MMP16: variants seen among roughly 807,000 people sequenced by gnomAD.
The protein encoded by MMP16 is matrix metalloproteinase-16.
A neutral mutation model predicts 67.8 loss-of-function variants in MMP16; 12 were observed. That is an observed-to-expected ratio of 0.18 (90% CI 0.11 to 0.29). MMP16 has a LOEUF of 0.29. Ranked by LOEUF, MMP16 falls within the 10% of genes least tolerant of loss-of-function variation. The pLI is 1.00. For synonymous variants in MMP16, 249 were observed against 255.9 expected (o/e 0.97, Z 0.26); for missense variants, 475 against 765.7 (o/e 0.62, Z 4.48).
intron 9 of MMP16, among the ~76,000 whole-genome samples, chr8:88,044,706 G>A (rs1808176774): frequency 1.3e-5 from 2 of 152,128 alleles, no homozygotes; most frequent in Admixed American, 1.3e-4. Flanking sequence ...AAAGTGTAAT[G>A]AGACATAATT....
In MMP16 at chr8:88,226,854, T is replaced by G. The variant is rs191447222; in HGVS notation, c.133-29548A>C. Among the ~76,000 whole-genome samples, 537 of 144,656 alleles carry G rather than the reference T, an allele frequency of 3.7e-3. 4 individuals carry two copies. Among genetic ancestry groups the G allele is most frequent in the African/African-American group, 0.014 (513 of 36,490 alleles). The allele number at this position is 144,656 out of a possible 152,430, so 94.9% of individuals were successfully genotyped here. On this transcript the variant is annotated intron_variant, in intron 1 of 9. Coordinates refer to ENST00000286614, the MANE Select transcript of MMP16 (RefSeq NM_005941.5). ...GACTTTGTTTCCTATTAAATGTTAA[T>G]GAAAGAGTACTCAGCCTACACGTAT...
chr8:88,044,845 G>A (rs1808178433), intron 9 of MMP16, among the ~76,000 whole-genome samples: 1 of 152,166 alleles, frequency 6.6e-6, no homozygotes. Context: ...TAAATAAACT[G>A]ATGTGATCAT....
intron 9 of MMP16, 41 bp downstream of exon 9, chr8:88,046,628 G>T: frequency 7.5e-7 from 1 of 1,325,688 alleles, no homozygotes; most frequent in Non-Finnish European, 1.1e-6. Flanking sequence ...GTGTTACTAA[G>T]ATAGCAAACT....
chr8:88,142,180 G>A (rs909147905), intron 4 of MMP16, among the ~76,000 whole-genome samples: 5 of 151,918 alleles, frequency 3.3e-5, no homozygotes, highest in Admixed American at 1.3e-4. Context: ...AAAGTGCTAG[G>A]ATTACAGGCG....
At chr8:88,322,563 T>A (rs1460029209) in intron 1 of MMP16, among the ~76,000 whole-genome samples, 1 of 151,974 alleles carries the variant, frequency 6.6e-6, no homozygotes, top group Non-Finnish European at 1.5e-5. Context: ...ATGTGGTGGC[T>A]CATGTCTGTA....
At chr8:88,126,257 G>A (rs180735564) in intron 4 of MMP16, among the ~76,000 whole-genome samples, 1 of 151,826 alleles carries the variant, frequency 6.6e-6, no homozygotes, top group African/African-American at 2.4e-5. Context: ...AATCACCCAA[G>A]CCTTTGTTCT....
chr8:88,287,978 C>T (rs1183819114), intron 1 of MMP16, among the ~76,000 whole-genome samples: 2 of 152,182 alleles, frequency 1.3e-5, no homozygotes, highest in African/African-American at 4.8e-5. Flanking sequence ...GATTAAGCCC[C>T]TTGAGTGAAT....
chr8:88,118,504 T>C (rs189825849), intron 5 of MMP16, among the ~76,000 whole-genome samples, 196 bp downstream of exon 5: 1 of 152,198 alleles, frequency 6.6e-6, no homozygotes, highest in East Asian at 1.9e-4. Flanking sequence ...CATGTTCCCA[T>C]AATCTATACA....
rs1425129086 is a variant in MMP16 at position 88,034,364 on chromosome 8, CA to C, written c.*7096del. The C allele has an allele frequency of 6.6e-6, 1 of 152,122 alleles. No individual in the cohort carries two copies. Among genetic ancestry groups the C allele is most frequent in the East Asian group, 1.9e-4 (1 of 5,166 alleles). The allele number at this position is 152,122 out of a possible 1,614,324, so 9.4% of individuals were successfully genotyped here. On this transcript the variant is annotated 3_prime_UTR_variant, in exon 10 of 10. Coordinates refer to ENST00000286614, the MANE Select transcript of MMP16 (RefSeq NM_005941.5). ...GTATTTTTGGGTGAGAAACAGAAGGCAAACAAATAACGATCTTAGAATTGGA... is the reference window on the plus strand; with the variant it reads ...GTATTTTTGGGTGAGAAACAGAAGGCAACAAATAACGATCTTAGAATTGGA...
intron 1 of MMP16, among the ~76,000 whole-genome samples, chr8:88,201,864 A>C (rs76583619): frequency 0.015 from 2,306 of 152,214 alleles, 62 homozygotes; most frequent in African/African-American, 0.052. Flanking sequence ...TTTTCCAGAA[A>C]TACCATATAC....
intron 3 of MMP16, among the ~76,000 whole-genome samples, chr8:88,175,678 TC>T (rs1445043708): frequency 6.6e-6 from 1 of 152,190 alleles, no homozygotes; most frequent in Non-Finnish European, 1.5e-5. Context: ...TACTTAATTT[TC>T]CCTAAGCTTT....
At chr8:88,300,633 T>G (rs1279299988) in intron 1 of MMP16, among the ~76,000 whole-genome samples, 1 of 152,172 alleles carries the variant, frequency 6.6e-6, no homozygotes, top group African/African-American at 2.4e-5. Flanking sequence ...TAAGTTAAAC[T>G]TTACCACAGG....
chr8:88,130,180 A>G (rs193230277), intron 4 of MMP16, among the ~76,000 whole-genome samples: 1 of 151,896 alleles, frequency 6.6e-6, no homozygotes, highest in East Asian at 1.9e-4. Context: ...GCAAAATCAC[A>G]AATTCAGTAA....
At chr8:88,194,126 T>C (rs913668080) in intron 2 of MMP16, among the ~76,000 whole-genome samples, 2 of 152,020 alleles carry the variant, frequency 1.3e-5, no homozygotes, top group African/African-American at 2.4e-5. Context: ...TTGAAAATGG[T>C]TAATTTATTC....
At chr8:88,045,341 T>A (rs760906842) in intron 9 of MMP16, among the ~76,000 whole-genome samples, 3 of 152,008 alleles carry the variant, frequency 2.0e-5, no homozygotes, top group African/African-American at 7.2e-5. Context: ...GTTTTCTTTT[T>A]CTTTCTTTCT....
At chr8:88,216,134 A>G (rs1586209329) in intron 1 of MMP16, among the ~76,000 whole-genome samples, 1 of 152,190 alleles carries the variant, frequency 6.6e-6, no homozygotes, top group East Asian at 1.9e-4. Context: ...GTCTGAGATA[A>G]ACAAAAAATA....
chr8:88,146,661 C>A (rs2118514857), intron 4 of MMP16, among the ~76,000 whole-genome samples: 1 of 151,844 alleles, frequency 6.6e-6, no homozygotes, highest in East Asian at 1.9e-4. Context: ...TTTATATATT[C>A]ATTCTAGGAA....
At chr8:88,105,118 C>T (rs1809214972) in intron 6 of MMP16, among the ~76,000 whole-genome samples, 1 of 148,760 alleles carries the variant, frequency 6.7e-6, no homozygotes, top group Non-Finnish European at 1.5e-5. Flanking sequence ...AAGTGCACTA[C>T]ATAGGTGTAC....
chr8:88,263,023 C>G (rs999950401), intron 1 of MMP16, among the ~76,000 whole-genome samples: 47 of 146,580 alleles, frequency 3.2e-4, no homozygotes, highest in Admixed American at 4.1e-4. Context: ...GACTCCGTCT[C>G]AAATAAATAA....
Sources: gnomAD v4.1 joint callset for allele counts (sites outside exome capture counted in the v4.1 genomes callset) on GRCh38, gnomAD v4.1.1 for gene constraint, MANE v1.5 for transcripts, NCBI Gene and HGNC (gene_info 2026-07-23, HGNC 2026-07-21) for gene names.